ARHGEF7: variants seen among roughly 807,000 people sequenced by gnomAD.
The protein encoded by ARHGEF7 is PAK-interacting exchange factor beta.
Under a neutral mutation model 109.8 loss-of-function variants are expected in ARHGEF7, and 33 were observed. The observed-to-expected ratio is 0.30, with a 90% CI of 0.23 to 0.40. ARHGEF7 has a LOEUF of 0.40. ARHGEF7 is among the 10% of genes least tolerant of loss of function. The pLI, the probability that ARHGEF7 is intolerant of heterozygous loss-of-function variation, is 1.00. For synonymous variants in ARHGEF7, 458 were observed against 424.6 expected (o/e 1.08, Z -0.97); for missense variants, 938 against 1,098.5 (o/e 0.85, Z 2.07).
At chr13:111,205,174 G>T (rs1330908002) in intron 2 of ARHGEF7, 115 bp from the exon 3 acceptor site, 19 of 712,652 alleles carry the variant, frequency 2.7e-5, no homozygotes, top group Non-Finnish European at 3.3e-5. Context: ...GTCGCAGGTT[G>T]TGCGGTCTCC....
intron 1 of ARHGEF7, among the ~76,000 whole-genome samples, chr13:111,135,542 G>T (rs867099346): frequency 1.3e-5 from 2 of 151,968 alleles, no homozygotes; most frequent in African/African-American, 4.8e-5. Context: ...AAGGTATTTT[G>T]TTCTCTTTGA....
chr13:111,193,813 T>C (rs2080181582), intron 2 of ARHGEF7, among the ~76,000 whole-genome samples: 2 of 152,200 alleles, frequency 1.3e-5, no homozygotes, highest in African/African-American at 2.4e-5. Flanking sequence ...CAAGAGATCA[T>C]CTCGGGCAGC....
chr13:111,249,404 A>G (rs929423597), intron 8 of ARHGEF7, among the ~76,000 whole-genome samples: 1 of 151,906 alleles, frequency 6.6e-6, no homozygotes, highest in Non-Finnish European at 1.5e-5. Flanking sequence ...CTTTTTCCAA[A>G]GCTTTGAGAA....
chr13:111,235,154 G>GT (rs2086632072), intron 6 of ARHGEF7, among the ~76,000 whole-genome samples: 1 of 152,244 alleles, frequency 6.6e-6, no homozygotes, highest in African/African-American at 2.4e-5. Context: ...TCCAAAGGGT[G>GT]TGTTACCTTC....
chr13:111,271,030 G>T (rs2182063), intron 9 of ARHGEF7, among the ~76,000 whole-genome samples: 152,266 of 152,312 alleles, frequency 1, 76,110 homozygotes, highest in Non-Finnish European at 1. Context: ...GGGTCCGCCT[G>T]GGGTGCAGAG....
At chr13:111,234,521 G>A (rs950609357) in intron 6 of ARHGEF7, among the ~76,000 whole-genome samples, 10 of 152,186 alleles carry the variant, frequency 6.6e-5, no homozygotes, top group South Asian at 2.1e-4. Flanking sequence ...ACTTGGGTAC[G>A]GGAACACAAT....
intron 1 of ARHGEF7, among the ~76,000 whole-genome samples, chr13:111,142,937 C>T (rs1216721706): frequency 6.6e-6 from 1 of 152,222 alleles, no homozygotes; most frequent in East Asian, 1.9e-4. Context: ...GAAGCAAAGA[C>T]TCTTGAGTGG....
At chr13:111,128,426 G>C (rs1012073751) in intron 1 of ARHGEF7, among the ~76,000 whole-genome samples, 2 of 152,182 alleles carry the variant, frequency 1.3e-5, no homozygotes, top group East Asian at 1.9e-4. Flanking sequence ...CTGGGAGTTG[G>C]AGGTTGCAGT....
chr13:111,296,374 C>T (rs1409420559), intron 19 of ARHGEF7, among the ~76,000 whole-genome samples: 2 of 152,054 alleles, frequency 1.3e-5, no homozygotes, highest in African/African-American at 2.4e-5. Context: ...TCCTGGTGCC[C>T]CCTGGGGTCT....
At chr13:111,133,007 T>C (rs949180530) in intron 1 of ARHGEF7, among the ~76,000 whole-genome samples, 1 of 152,030 alleles carries the variant, frequency 6.6e-6, no homozygotes, top group African/African-American at 2.4e-5. Context: ...TATGCATACA[T>C]ATTTATATAT....
intron 8 of ARHGEF7, among the ~76,000 whole-genome samples, chr13:111,264,679 G>A (rs55645715): frequency 0.17 from 26,613 of 152,132 alleles, 3,203 homozygotes; most frequent in East Asian, 0.68. Flanking sequence ...GGAGAGAGAT[G>A]GACAGTTAAA....
At chr13:111,141,444 G>A (rs897710901) in intron 1 of ARHGEF7, among the ~76,000 whole-genome samples, 2 of 151,994 alleles carry the variant, frequency 1.3e-5, no homozygotes, top group Non-Finnish European at 2.9e-5. Flanking sequence ...GCGAGCTATG[G>A]GGGAAGTGTC....
At position 111,251,355 on chromosome 13, in the gene ARHGEF7, G is replaced by A. The variant is rs1039519830; in HGVS notation, c.950+7061G>A. Among the ~76,000 whole-genome samples, 6 of 152,254 alleles carry A rather than the reference G, an allele frequency of 3.9e-5. No individual in the cohort carries two copies. In the East Asian group the frequency reaches 5.8e-4, roughly 15 times the overall value. ...GGAGTGGAACAGTAGGAGCCCGGAC[G>A]GGCAGGCGAGATCAGGTCCTGGAGA... On this transcript the variant is annotated intron_variant, in intron 8 of 21. Transcript: ENST00000646102.
Position 111,283,260 on chromosome 13 carries a change from A to G in ARHGEF7, c.1847A>G (p.Asn616Ser), listed in dbSNP as rs1477769815. 2 of 1,585,052 alleles carry G rather than the reference A, an allele frequency of 1.3e-6. No homozygotes were observed. The highest frequency in any genetic ancestry group is 1.7e-6 in the Non-Finnish European group (2 of 1,168,696). Residue 616 changes from asparagine to serine, a missense_variant, in exon 16 of 22, where the codon AAC becomes AGC. This residue lies in a region of ARHGEF7 where 585 missense variants were observed against 723.6 expected (regional missense o/e 0.81). Coordinates refer to ENST00000646102, the MANE Select transcript of ARHGEF7 (RefSeq NM_001354046.2). ...CACGGCACCCCGCACACCACCATCA[A>G]CTGGGGACCCCTGGAGCCTCCGAAA... is the stretch of plus-strand genomic sequence containing the variant. ...SHHGTPHTTI[N>S]WGPLEPPKTP... is the part of the protein sequence containing the mutation.
intron 5 of ARHGEF7, among the ~76,000 whole-genome samples, chr13:111,219,905 A>G (rs2083607397): frequency 6.6e-6 from 1 of 152,116 alleles, no homozygotes; most frequent in African/African-American, 2.4e-5. Context: ...AGTACATGAC[A>G]TCCTTTAAAA....
At chr13:111,254,080 G>C (rs561055980) in intron 8 of ARHGEF7, among the ~76,000 whole-genome samples, 1 of 152,322 alleles carries the variant, frequency 6.6e-6, no homozygotes, top group African/African-American at 2.4e-5. Flanking sequence ...GCTGGTTCAT[G>C]GGTGCTATTA....
Position 111,283,166 on chromosome 13 carries a change from A to C in ARHGEF7, c.1753A>C (p.Ser585Arg), listed in dbSNP as rs1263429507. ...CCCCTCCCACCCGGTCACTCCGTCC[A>C]GCAAGCACGCAGACAGCAAGCCCGC... ...TLPSHPVTPSSKHADSKPAPL... is the reference protein window; with the variant it reads ...TLPSHPVTPSRKHADSKPAPL... Residue 585 changes from serine (S) to arginine (R), a missense_variant, in exon 16 of 22, where the codon AGC becomes CGC. Physicochemically the swap from Ser to Arg is moderately radical, Grantham distance 110 (BLOSUM62 -1). This residue lies in a region of ARHGEF7 where 585 missense variants were observed against 723.6 expected (regional missense o/e 0.81). Transcript: ENST00000646102. The C allele has an allele frequency of 3.1e-6, 5 of 1,594,658 alleles. No individual in the cohort carries two copies. In the African/African-American group the frequency reaches 6.7e-5, roughly 21 times the overall value.
chr13:111,297,115 AAAG>A (rs1276053732), intron 19 of ARHGEF7, among the ~76,000 whole-genome samples: 3 of 152,356 alleles, frequency 2.0e-5, no homozygotes, highest in Middle Eastern at 3.4e-3. Flanking sequence ...ATCGTTCTTT[AAAG>A]AAGTAGTCAA....
Position 111,190,786 on chromosome 13 carries a change from C to T in ARHGEF7, c.253-14503C>T, listed in dbSNP as rs74241869. 1.7e-3 allele frequency among the ~76,000 whole-genome samples: 254 copies of T among 152,114 alleles called. 6 individuals carry two copies. In the East Asian group the frequency reaches 0.045, roughly 27 times the overall value. On this transcript the variant is annotated intron_variant, in intron 2 of 21. Transcript: ENST00000646102. ...AGTTGGTGGGGAGGCAGATATAGGT[C>T]GATGTTCCACATAAGAAGAATACAT...
Sources: allele counts gnomAD v4.1 joint callset (sites outside exome capture counted in the v4.1 genomes callset), GRCh38; gene constraint gnomAD v4.1.1; regional missense constraint gnomAD v4.1.1; transcripts MANE v1.5; gene names NCBI Gene and HGNC (gene_info 2026-07-23, HGNC 2026-07-21).